The following RNF169 variants were observed in gnomAD, a reference collection of about 807,000 sequenced individuals.
RNF169 encodes ring finger protein 169.
RNF169 carries 24 observed loss-of-function variants against 53.9 expected under a neutral mutation model. The observed-to-expected ratio is 0.45, with a 90% CI of 0.32 to 0.63. The LOEUF (loss-of-function observed/expected upper bound fraction) is 0.63. RNF169 is among the 20% of genes least tolerant of loss of function. The pLI, the probability that RNF169 is intolerant of heterozygous loss-of-function variation, is 0.04. For synonymous variants in RNF169, 396 were observed against 363.5 expected, an observed-to-expected ratio of 1.09 and a Z score of -1.02; for missense variants, 883 against 906.2, an observed-to-expected ratio of 0.97 and a Z score of 0.33.
intron 3 of RNF169, 27 bp from the exon 4 acceptor site, chr11:74,817,569 G>T (rs752343118): frequency 7.0e-7 from 1 of 1,431,922 alleles, no homozygotes; most frequent in South Asian, 1.1e-5. Flanking sequence ...CAAATGGACA[G>T]TGTTGTCTCC....
intron 4 of RNF169, among the ~76,000 whole-genome samples, chr11:74,824,116 C>G (rs2036058537): frequency 6.6e-6 from 1 of 151,994 alleles, no homozygotes; most frequent in African/African-American, 2.4e-5. Flanking sequence ...TAAATCATAT[C>G]CTCAAGAGCT....
At position 74,839,292 on chromosome 11, in the gene RNF169, G is replaced by A. The variant is rs1016886114; in HGVS notation, c.*2562G>A. On this transcript the variant is annotated 3_prime_UTR_variant, in exon 6 of 6. Coordinates refer to ENST00000299563, the MANE Select transcript of RNF169 (RefSeq NM_001098638.2). Reference sequence around the variant, plus strand: ...AGGGAGGAGGGTTGATCTTTAATCAGGTTGGCTTTGGAGGAAGGAAAAACC... The same window carrying A: ...AGGGAGGAGGGTTGATCTTTAATCAAGTTGGCTTTGGAGGAAGGAAAAACC... 3 of 152,190 alleles carry A rather than the reference G, an allele frequency of 2.0e-5. No homozygotes were observed. In the East Asian group the frequency reaches 5.8e-4, roughly 29 times the overall value. 9.4% of individuals were successfully genotyped at this position (152,190 alleles called of 1,614,324 possible). A position where few individuals can be genotyped will look rare whatever the true frequency, so the allele number is the denominator to read the frequency against.
intron 1 of RNF169, among the ~76,000 whole-genome samples, chr11:74,756,085 C>G (rs1296012566): frequency 6.6e-6 from 1 of 152,142 alleles, no homozygotes; most frequent in Non-Finnish European, 1.5e-5. Context: ...TGGACTAAAG[C>G]ATTGGCTGTG....
intron 3 of RNF169, among the ~76,000 whole-genome samples, chr11:74,815,349 A>T (rs1305633728): frequency 1.3e-5 from 2 of 152,188 alleles, no homozygotes; most frequent in Non-Finnish European, 2.9e-5. Context: ...TGAGGTCAGG[A>T]GTTCAAGACC....
At chr11:74,820,725 T>C (rs138466226) in intron 4 of RNF169, among the ~76,000 whole-genome samples, 487 of 152,256 alleles carry the variant, frequency 3.2e-3, no homozygotes, top group African/African-American at 6.8e-3. Context: ...AAAAGGAAGA[T>C]AGCTTAAGGA....
Position 74,836,418 on chromosome 11 carries a change from T to C in RNF169, c.1815T>C (p.Val605=). 3.1e-6 allele frequency: 5 copies of C among 1,614,158 alleles called. No individual in the cohort carries two copies. The highest frequency in any genetic ancestry group is 4.2e-6 in the Non-Finnish European group (5 of 1,180,026). Residue 605 remains valine (V), a synonymous_variant, in exon 6 of 6, where the codon GTT becomes GTC. Transcript: ENST00000299563. ...TLNHFDLTNG[V]LVESLSEEPL... ...ATCATTTTGATCTGACTAATGGTGT[T>C]CTAGTTGAGAGCCTAAGTGAAGAGC...
chr11:74,836,092 A>G lies in RNF169; in HGVS notation c.1489A>G (p.Thr497Ala), dbSNP rs566236190. Reference protein sequence around the residue: ...GQVLSEYTGPTSADLDHFPSV... With the variant: ...GQVLSEYTGPASADLDHFPSV... Reference sequence around the variant, plus strand: ...GGTCCTCTCTGAGTATACTGGACCCACCTCTGCTGATCTTGATCATTTCCC... The same window carrying G: ...GGTCCTCTCTGAGTATACTGGACCCGCCTCTGCTGATCTTGATCATTTCCC... The change falls in exon 6 of 6, where the codon ACC (threonine) becomes GCC (alanine). Residue 497 changes from threonine (T) to alanine (A), a missense_variant. Physicochemically the swap from Thr to Ala is moderately conservative, Grantham distance 58. Around this residue, in one of 3 missense-constraint regions of RNF169, gnomAD observed 351 missense variants for 337.3 expected, o/e 1.04. Transcript: ENST00000299563. 6.2e-7 allele frequency: 1 copy of G among 1,614,170 alleles called. No homozygotes were observed. Among genetic ancestry groups the G allele is most frequent in the Admixed American group, 1.7e-5 (1 of 60,026 alleles).
intron 2 of RNF169, among the ~76,000 whole-genome samples, chr11:74,797,222 A>G (rs967330329): frequency 6.6e-6 from 1 of 152,208 alleles, no homozygotes; most frequent in African/African-American, 2.4e-5. Context: ...GGACCTAATT[A>G]TCTTCGAAAT....
chr11:74,821,087 GTTCT>G lies in RNF169; in HGVS notation c.842+3378_842+3381del, dbSNP rs1170213893. 2.0e-5 allele frequency among the ~76,000 whole-genome samples: 3 copies of G among 152,170 alleles called. No homozygotes were observed. The East Asian group carries it at 5.8e-4, about 29-fold the overall frequency. On this transcript the variant is annotated intron_variant, in intron 4 of 5. Transcript: ENST00000299563. ...AGTTCTCTTTTTACTCCAAATCTGT[GTTCT>G]TTCTGTTGTTATCAGAACTCTGTGA...
At chr11:74,776,231 T>C (rs1199725392) in intron 1 of RNF169, among the ~76,000 whole-genome samples, 1 of 152,208 alleles carries the variant, frequency 6.6e-6, no homozygotes, top group East Asian at 1.9e-4. Flanking sequence ...AGACAACTGA[T>C]GTTCAATTTT....
At chr11:74,753,037 CG>C (rs1565167703) in intron 1 of RNF169, among the ~76,000 whole-genome samples, 1 of 152,160 alleles carries the variant, frequency 6.6e-6, no homozygotes, top group Admixed American at 6.5e-5. Context: ...GGCATGATCT[CG>C]GTTCACCGCA....
At chr11:74,750,072 C>G (rs2034862509) in intron 1 of RNF169, among the ~76,000 whole-genome samples, 1 of 152,136 alleles carries the variant, frequency 6.6e-6, no homozygotes, top group Non-Finnish European at 1.5e-5. Flanking sequence ...GTGGCAGGGG[C>G]TGCTTCTATC....
At chr11:74,804,925 T>C (rs2035784080) in intron 2 of RNF169, among the ~76,000 whole-genome samples, 1 of 152,256 alleles carries the variant, frequency 6.6e-6, no homozygotes, top group Non-Finnish European at 1.5e-5. Flanking sequence ...AGATACACTT[T>C]CATGCAGTAG....
At chr11:74,808,496 C>CA (rs1449349394) in intron 2 of RNF169, among the ~76,000 whole-genome samples, 1 of 152,158 alleles carries the variant, frequency 6.6e-6, no homozygotes, top group African/African-American at 2.4e-5. Context: ...GGGAGGGAGG[C>CA]AGAATAATTC....
chr11:74,796,901 A>G lies in RNF169; in HGVS notation c.576+7202A>G, dbSNP rs142060900. On this transcript the variant is annotated intron_variant, in intron 2 of 5. Coordinates refer to ENST00000299563, the MANE Select transcript of RNF169 (RefSeq NM_001098638.2). ...GGTCTTGCTATGTTGTCCAGGCTGG[A>G]ATGCGTTGGCTATTCACAGGTGTAC... 4.3e-3 allele frequency among the ~76,000 whole-genome samples: 647 copies of G among 152,200 alleles called. 3 individuals are homozygous for G. The highest frequency in any genetic ancestry group is 0.015 in the African/African-American group (616 of 41,508).
intron 1 of RNF169, among the ~76,000 whole-genome samples, chr11:74,754,985 T>C (rs969769182): frequency 2.0e-5 from 3 of 152,208 alleles, no homozygotes; most frequent in Non-Finnish European, 1.5e-5. Flanking sequence ...GGTTTATTAC[T>C]CAGTTGACAG....
At chr11:74,791,189 A>G (rs972510145) in intron 2 of RNF169, among the ~76,000 whole-genome samples, 3 of 152,148 alleles carry the variant, frequency 2.0e-5, no homozygotes, top group Non-Finnish European at 2.9e-5. Context: ...TAGCTCCCCT[A>G]CACAGGCAGG....
At position 74,836,376 on chromosome 11, in the gene RNF169, A is replaced by G; in HGVS notation, c.1773A>G (p.Gln591=). The part of the protein sequence containing the change: ...SVLGGVLKTK[Q]QLKTLNHFDL... ...TGGGTGGAGTCCTCAAAACAAAGCAACAATTGAAGACATTAAATCATTTTG... is the reference window on the plus strand; with the variant it reads ...TGGGTGGAGTCCTCAAAACAAAGCAGCAATTGAAGACATTAAATCATTTTG... The change falls in exon 6 of 6, where the codon CAA becomes CAG. Residue 591 remains glutamine (Q), a synonymous_variant. Transcript: ENST00000299563. 1 of 1,614,178 alleles carries G rather than the reference A, an allele frequency of 6.2e-7. No individual in the cohort carries two copies. Among genetic ancestry groups the G allele is most frequent in the Non-Finnish European group, 8.5e-7 (1 of 1,180,006 alleles).
chr11:74,790,163 C>A (rs1470126063), intron 2 of RNF169, among the ~76,000 whole-genome samples: 2 of 152,128 alleles, frequency 1.3e-5, no homozygotes, highest in Non-Finnish European at 2.9e-5. Flanking sequence ...AAAACAATTA[C>A]CATTGGGAAA....
Sources: allele counts gnomAD v4.1 joint callset (sites outside exome capture counted in the v4.1 genomes callset), GRCh38; gene constraint gnomAD v4.1.1; regional missense constraint gnomAD v4.1.1; transcripts MANE v1.5; gene names NCBI Gene and HGNC (gene_info 2026-07-23, HGNC 2026-07-21).